The following RTN4R variants were observed in gnomAD, a reference collection of about 807,000 sequenced individuals.
RTN4R encodes the protein reticulon 4 receptor.
RTN4R carries 4 observed loss-of-function variants against 27.7 expected under a neutral mutation model. The ratio of observed to expected loss-of-function variants is 0.14; its 90% CI spans 0.07 to 0.33. The LOEUF is 0.33. RTN4R is among the 10% of genes least tolerant of loss of function. The pLI, the probability that RTN4R is intolerant of heterozygous loss-of-function variation, is 1.00. For synonymous variants in RTN4R, 290 were observed against 305.6 expected, an observed-to-expected ratio of 0.95 and a Z score of 0.53; for missense variants, 554 against 671.5, an observed-to-expected ratio of 0.83 and a Z score of 1.93.
intron 1 of RTN4R, among the ~76,000 whole-genome samples, chr22:20,256,731 G>C (rs372039625): frequency 6.6e-6 from 1 of 152,216 alleles, no homozygotes; most frequent in Non-Finnish European, 1.5e-5. Flanking sequence ...CTGCTTCTCC[G>C]ACCCCGATCA....
rs1029405665 is a variant in RTN4R, at chr22:20,241,572, C to A, written c.*139G>T. 8.1e-6 allele frequency: 7 copies of A among 869,004 alleles called. No homozygotes were observed. The highest frequency in any genetic ancestry group is 7.1e-6 in the Non-Finnish European group (4 of 562,734). The allele number at this position is 869,004 out of a possible 1,614,324, so 53.8% of individuals were successfully genotyped here. Reference sequence around the variant, plus strand: ...CATGATGGGGTGGAGATGGGGGTGGCGGGCGGCAGGCGTCCATCAGGGAGG... The same window carrying A: ...CATGATGGGGTGGAGATGGGGGTGGAGGGCGGCAGGCGTCCATCAGGGAGG... On this transcript the variant is annotated 3_prime_UTR_variant, in exon 2 of 2. Coordinates refer to ENST00000043402, the MANE Select transcript of RTN4R (RefSeq NM_023004.6).
chr22:20,267,267 G>C (rs1004201779), intron 1 of RTN4R, among the ~76,000 whole-genome samples: 3 of 152,258 alleles, frequency 2.0e-5, no homozygotes, highest in African/African-American at 7.2e-5. Flanking sequence ...TGTGCAGCCT[G>C]CGGCACCATG....
chr22:20,242,974 C>T lies in RTN4R; in HGVS notation c.159G>A (p.Val53=), dbSNP rs1602637139. The part of the protein sequence containing the change: ...CPQQGLQAVP[V]GIPAASQRIF... ...TGCGCTGGCTGGCAGCAGGGATGCC[C>T]ACGGGCACAGCCTGCAGGCCCTGCT... Residue 53 remains valine (V), a synonymous_variant, in exon 2 of 2, where the codon GTG becomes GTA. Transcript: ENST00000043402. The T allele has an allele frequency of 1.9e-6, 3 of 1,611,694 alleles. No individual in the cohort carries two copies. The East Asian group carries it at 6.7e-5, about 36-fold the overall frequency.
Position 20,268,313 on chromosome 22 carries a change from CGGGGG to C in RTN4R, c.-226_-222del, listed in dbSNP as rs2051293207. The C allele has an allele frequency of 1.4e-5, 2 of 140,136 alleles. No homozygotes were observed. Among genetic ancestry groups the C allele is most frequent in the East Asian group, 4.1e-4 (2 of 4,912 alleles). 8.7% of individuals were successfully genotyped at this position (140,136 alleles called of 1,614,324 possible). A position where few individuals can be genotyped will look rare whatever the true frequency, so the allele number is the denominator to read the frequency against. On this transcript the variant is annotated 5_prime_UTR_variant, in exon 1 of 2. Transcript: ENST00000043402. ...GCACAGGGCGAGGGCGGCGGCGGCGCGGGGGTTGGGGCGTGGGCGGCGCGGCGGGC... is the reference window on the plus strand; with the variant it reads ...GCACAGGGCGAGGGCGGCGGCGGCGCTTGGGGCGTGGGCGGCGCGGCGGGC...
chr22:20,250,841 A>G (rs2051171714), intron 1 of RTN4R, among the ~76,000 whole-genome samples: 1 of 150,552 alleles, frequency 6.6e-6, no homozygotes, highest in Non-Finnish European at 1.5e-5. Flanking sequence ...GGGATTACAC[A>G]CACACACATG....
chr22:20,267,174 C>A (rs1283507243), intron 1 of RTN4R, among the ~76,000 whole-genome samples: 1 of 152,268 alleles, frequency 6.6e-6, no homozygotes, highest in Admixed American at 6.5e-5. Context: ...CATGTGCACA[C>A]TGGGGCGGCG....
At chr22:20,254,580 C>A (rs1420815419) in intron 1 of RTN4R, among the ~76,000 whole-genome samples, 1 of 151,456 alleles carries the variant, frequency 6.6e-6, no homozygotes, top group Non-Finnish European at 1.5e-5. Context: ...CCAGCTTGAA[C>A]ATACTTGTAA....
At chr22:20,245,586 A>G (rs546561096) in intron 1 of RTN4R, among the ~76,000 whole-genome samples, 5 of 151,328 alleles carry the variant, frequency 3.3e-5, no homozygotes, top group Non-Finnish European at 5.9e-5. Flanking sequence ...GCCCCTCCCC[A>G]CCCCAAAAGA....
intron 1 of RTN4R, among the ~76,000 whole-genome samples, chr22:20,244,313 G>C (rs980476223): frequency 1.3e-5 from 2 of 152,200 alleles, no homozygotes; most frequent in African/African-American, 2.4e-5. Context: ...CTGTGACCCT[G>C]GGGCCCTCCT....
rs762007209 is a variant in RTN4R, at chr22:20,268,141, G to A, written c.-49C>T. ...CGGGGACTGAAAGTCGTTTCGGGGCGGGCGCCCGTCTCCCCGCGGCCGGGT... is the reference window on the plus strand; with the variant it reads ...CGGGGACTGAAAGTCGTTTCGGGGCAGGCGCCCGTCTCCCCGCGGCCGGGT... On this transcript the variant is annotated 5_prime_UTR_variant, in exon 1 of 2. Coordinates refer to ENST00000043402, the MANE Select transcript of RTN4R (RefSeq NM_023004.6). The A allele has an allele frequency of 3.7e-5, 40 of 1,086,526 alleles. No individual in the cohort carries two copies. The East Asian group carries it at 1.6e-3, about 42-fold the overall frequency. 67.3% of individuals were successfully genotyped at this position (1,086,526 alleles called of 1,614,324 possible).
rs745661208 is a variant in RTN4R at position 20,242,277 on chromosome 22, G to A, written c.856C>T (p.Pro286Ser). 1.9e-6 allele frequency: 3 copies of A among 1,598,328 alleles called. No homozygotes were observed. The highest frequency in any genetic ancestry group is 1.7e-4 in the Middle Eastern group (1 of 5,866). The change falls in exon 2 of 2, where the codon CCC becomes TCC. Residue 286 changes from proline to serine, a missense_variant. Physicochemically the swap from Pro to Ser is moderately conservative, Grantham distance 74. This residue lies in a region of RTN4R where 413 missense variants were observed against 542.3 expected (regional missense o/e 0.76). Transcript: ENST00000043402. ...QKFRGSSSEV[P>S]CSLPQRLAGR... The stretch of plus-strand genomic sequence containing the variant: ...GCCAGGCGTTGCGGGAGGCTGCAGG[G>A]CACCTCGGAGGAGGAGCCGCGGAAC...
chr22:20,255,790 AC>A lies in RTN4R; in HGVS notation c.22+12280del. ...CCGGGGGTAGGGGTGTGCGGTCAAC[AC>A]CCAGCAGGGGTCGCCTAGCACTGGG... On this transcript the variant is annotated intron_variant, in intron 1 of 1. Coordinates refer to ENST00000043402, the MANE Select transcript of RTN4R (RefSeq NM_023004.6). This position sits in a 1 kb window ranked among gnomAD's most constrained non-coding sequence, Gnocchi z 4.8. 6.6e-6 allele frequency among the ~76,000 whole-genome samples: 1 copy of A among 152,096 alleles called. No homozygotes were observed. Among genetic ancestry groups the A allele is most frequent in the Non-Finnish European group, 1.5e-5 (1 of 67,988 alleles).
rs1198548421 is a variant in RTN4R, at chr22:20,268,018, C to A, written c.22+53G>T. 7 of 1,081,124 alleles carry A rather than the reference C, an allele frequency of 6.5e-6. No homozygotes were observed. The African/African-American group carries it at 1.0e-4, about 15-fold the overall frequency. 67.0% of individuals were successfully genotyped at this position (1,081,124 alleles called of 1,614,324 possible). On this transcript the variant is annotated intron_variant, in intron 1 of 1. Coordinates refer to ENST00000043402, the MANE Select transcript of RTN4R (RefSeq NM_023004.6). ...GCGGCTCCGGGGAGGGGGCGAGCCGCCCCCCTCCGCGCCCCGCCGCCGGCC... is the reference window on the plus strand; with the variant it reads ...GCGGCTCCGGGGAGGGGGCGAGCCGACCCCCTCCGCGCCCCGCCGCCGGCC...
intron 1 of RTN4R, among the ~76,000 whole-genome samples, chr22:20,246,341 C>T (rs933780310): frequency 3.3e-5 from 5 of 152,220 alleles, no homozygotes; most frequent in Admixed American, 1.3e-4. Flanking sequence ...CAGTCCAGGA[C>T]GCATCCCCCT....
intron 1 of RTN4R, among the ~76,000 whole-genome samples, chr22:20,266,760 C>T (rs2051279574): frequency 6.6e-6 from 1 of 152,338 alleles, no homozygotes; most frequent in African/African-American, 2.4e-5. Flanking sequence ...CAGATTAGGC[C>T]ACAGCCTGTC....
chr22:20,245,043 G>A (rs1041783764), intron 1 of RTN4R, among the ~76,000 whole-genome samples: 7 of 152,168 alleles, frequency 4.6e-5, no homozygotes, highest in African/African-American at 1.2e-4. Flanking sequence ...CAGCTCACTC[G>A]CCTTGAACCG....
At chr22:20,256,329 T>C (rs770441737) in intron 1 of RTN4R, among the ~76,000 whole-genome samples, 1 of 152,206 alleles carries the variant, frequency 6.6e-6, no homozygotes, top group African/African-American at 2.4e-5. Context: ...CAGGCCATAC[T>C]GCATTCATCC....
chr22:20,243,838 C>T (rs748614627), intron 1 of RTN4R, among the ~76,000 whole-genome samples: 30 of 152,052 alleles, frequency 2.0e-4, no homozygotes, highest in Non-Finnish European at 3.1e-4. Flanking sequence ...CCCACCCAGA[C>T]GCCATCAGCA....
intron 1 of RTN4R, among the ~76,000 whole-genome samples, chr22:20,251,927 T>C (rs149231818): frequency 0.19 from 46 of 244 alleles, 23 homozygotes; most frequent in African/African-American, 0.26. Context: ...ATCACCATCA[T>C]CATCCCCAGG....
Sources: gnomAD v4.1 joint callset for allele counts (sites outside exome capture counted in the v4.1 genomes callset) on GRCh38, gnomAD v4.1.1 for gene constraint, gnomAD v4.1.1 regional missense constraint, Gnocchi (gnomAD v3.1) non-coding constraint, MANE v1.5 for transcripts, NCBI Gene and HGNC (gene_info 2026-07-23, HGNC 2026-07-21) for gene names.